SLC39A11: variants seen among roughly 807,000 people sequenced by gnomAD.
SLC39A11 encodes zinc transporter ZIP11.
SLC39A11 carries 33 observed loss-of-function variants against 36.1 expected under a neutral mutation model. That is an observed-to-expected ratio of 0.91 (90% CI 0.69 to 1.22). The LOEUF is 1.22. Among genes scored for constraint, SLC39A11 ranks in the 50% most tolerant of loss-of-function variants. The pLI is 0.00. For synonymous variants in SLC39A11, 166 were observed against 170.3 expected (o/e 0.97, Z 0.20); for missense variants, 432 against 430.3 (o/e 1.00, Z -0.03).
chr17:72,836,593 G>A (rs181390064), intron 6 of SLC39A11, among the ~76,000 whole-genome samples: 30 of 152,100 alleles, frequency 2.0e-4, no homozygotes, highest in Admixed American at 1.5e-3. Context: ...CACCTGCTTC[G>A]GCCTCCTAAA....
chr17:73,059,647 C>T (rs2059776900), intron 3 of SLC39A11, among the ~76,000 whole-genome samples: 1 of 114,800 alleles, frequency 8.7e-6, no homozygotes, highest in South Asian at 3.4e-4. Context: ...AAGACTGAAA[C>T]TGTCTCCAAA....
intron 6 of SLC39A11, among the ~76,000 whole-genome samples, chr17:72,816,962 T>C (rs1458407775): frequency 1.3e-5 from 2 of 152,292 alleles, no homozygotes; most frequent in East Asian, 3.9e-4. Flanking sequence ...GCCAGCTTGA[T>C]CATAATTATT....
chr17:72,752,711 T>C (rs867027336), intron 6 of SLC39A11, among the ~76,000 whole-genome samples: 21 of 151,146 alleles, frequency 1.4e-4, no homozygotes, highest in African/African-American at 5.1e-4. Context: ...GTCTTGAGGG[T>C]ATTGTTCCAT....
At chr17:72,820,757 G>C (rs1271704481) in intron 6 of SLC39A11, among the ~76,000 whole-genome samples, 1 of 151,018 alleles carries the variant, frequency 6.6e-6, no homozygotes, top group East Asian at 1.9e-4. Flanking sequence ...GTGCTAACGG[G>C]CGGGCAGAAG....
intron 7 of SLC39A11, among the ~76,000 whole-genome samples, chr17:72,709,306 A>G (rs1348282821): frequency 2.0e-5 from 3 of 152,046 alleles, no homozygotes; most frequent in Non-Finnish European, 4.4e-5. Flanking sequence ...TTGTGGAGAC[A>G]GGGTCTCATT....
Position 72,730,845 on chromosome 17 carries a change from G to C in SLC39A11, c.671+5805C>G, listed in dbSNP as rs566481727. Among the ~76,000 whole-genome samples the C allele has an allele frequency of 2.0e-5, 3 of 152,168 alleles. No homozygotes were observed. In the East Asian group the frequency reaches 5.8e-4, roughly 29 times the overall value. On this transcript the variant is annotated intron_variant, in intron 7 of 9. Transcript: ENST00000255559. Reference sequence around the variant, plus strand: ...TAGATGATTTTTTTTCTCTTTTATAGAGATGGGGTCTCCCATCTTTATACT... The same window carrying C: ...TAGATGATTTTTTTTCTCTTTTATACAGATGGGGTCTCCCATCTTTATACT...
At chr17:72,821,912 G>A (rs2077798510) in intron 6 of SLC39A11, 1 of 151,568 alleles carries the variant, frequency 6.6e-6, no homozygotes, top group Admixed American at 6.6e-5. Context: ...GGCCTGCATA[G>A]TCCTCTTCCC....
intron 6 of SLC39A11, among the ~76,000 whole-genome samples, chr17:72,816,578 T>C (rs2077591900): frequency 1.3e-5 from 2 of 152,108 alleles, no homozygotes; most frequent in South Asian, 2.1e-4. Flanking sequence ...GAGAGGGTGA[T>C]CCAGATTTGC....
At chr17:72,782,163 G>C (rs2076339655) in intron 6 of SLC39A11, among the ~76,000 whole-genome samples, 1 of 152,088 alleles carries the variant, frequency 6.6e-6, no homozygotes, top group South Asian at 2.1e-4. Flanking sequence ...AGCAGACATA[G>C]AGACACCCAG....
chr17:72,945,105 T>G (rs1445266583), intron 5 of SLC39A11, among the ~76,000 whole-genome samples: 4 of 150,452 alleles, frequency 2.7e-5, no homozygotes, highest in African/African-American at 1.0e-4. Context: ...GACTGATAGA[T>G]TTAAAGGAAC....
chr17:72,795,416 AC>A (rs1439939871), intron 6 of SLC39A11, among the ~76,000 whole-genome samples: 1 of 152,128 alleles, frequency 6.6e-6, no homozygotes, highest in African/African-American at 2.4e-5. Context: ...ACAGAGCAAG[AC>A]ATGACAGAGA....
chr17:72,652,606 A>T (rs138515020), intron 7 of SLC39A11, among the ~76,000 whole-genome samples: 1 of 152,294 alleles, frequency 6.6e-6, no homozygotes, highest in East Asian at 1.9e-4. Flanking sequence ...ACAGGGACTT[A>T]AAGCTTTTCC....
In SLC39A11 at chr17:73,040,977, T is replaced by A. The variant is rs1188411402; in HGVS notation, c.148-9263A>T. Among the ~76,000 whole-genome samples, 11 of 100,612 alleles carry A rather than the reference T, an allele frequency of 1.1e-4. No individual in the cohort carries two copies. In the Admixed American group the frequency reaches 1.3e-3, roughly 12 times the overall value. The allele number at this position is 100,612 out of a possible 152,430, so 66.0% of individuals were successfully genotyped here. ...TCCAGCCTGGGCAACAGAGTCAGAC[T>A]CCATCTCAAAAAAAAAACAAAAAAC... On this transcript the variant is annotated intron_variant, in intron 3 of 9. Coordinates refer to ENST00000255559, the MANE Select transcript of SLC39A11 (RefSeq NM_139177.4).
At chr17:72,684,974 C>G (rs138044218) in intron 7 of SLC39A11, among the ~76,000 whole-genome samples, 2 of 152,318 alleles carry the variant, frequency 1.3e-5, no homozygotes, top group Admixed American at 6.5e-5. Flanking sequence ...TTGGTTCCGT[C>G]TGATCCCAGC....
intron 7 of SLC39A11, among the ~76,000 whole-genome samples, chr17:72,650,483 CAG>C (rs1323812152): frequency 1.3e-5 from 2 of 152,176 alleles, no homozygotes; most frequent in Non-Finnish European, 2.9e-5. Context: ...GCACAGGAAA[CAG>C]AGGCATGAGG....
intron 5 of SLC39A11, among the ~76,000 whole-genome samples, chr17:72,918,613 T>C (rs1422577821): frequency 6.6e-6 from 1 of 152,124 alleles, no homozygotes; most frequent in Non-Finnish European, 1.5e-5. Flanking sequence ...GGAAAGAATG[T>C]CCCTCTCAAC....
chr17:72,679,320 G>A (rs2071407609), intron 7 of SLC39A11, among the ~76,000 whole-genome samples: 1 of 152,092 alleles, frequency 6.6e-6, no homozygotes, highest in Non-Finnish European at 1.5e-5. Context: ...TGCTGTGATG[G>A]GTATCTCAGT....
intron 3 of SLC39A11, among the ~76,000 whole-genome samples, chr17:73,049,690 C>T (rs960283578): frequency 1.1e-4 from 17 of 152,130 alleles, no homozygotes; most frequent in Admixed American, 5.2e-4. Flanking sequence ...TACTCTCTGC[C>T]GTGCACTAGG....
chr17:72,853,204 T>G (rs1885456738), intron 5 of SLC39A11, among the ~76,000 whole-genome samples: 1 of 129,878 alleles, frequency 7.7e-6, no homozygotes, highest in Admixed American at 8.1e-5. Context: ...TTTTTTTTTT[T>G]TTCAGTAGAG....
Sources: gnomAD v4.1 joint callset for allele counts (sites outside exome capture counted in the v4.1 genomes callset) on GRCh38, gnomAD v4.1.1 for gene constraint, MANE v1.5 for transcripts, NCBI Gene and HGNC (gene_info 2026-07-23, HGNC 2026-07-21) for gene names.